The following TMEM244 variants were observed in gnomAD, a reference collection of about 807,000 sequenced individuals.
The protein encoded by TMEM244 is transmembrane protein 244, also known as putative transmembrane protein 244.
In TMEM244, 13 loss-of-function variants were observed where a neutral mutation model predicts 15.8. The ratio of observed to expected loss-of-function variants is 0.82; its 90% confidence interval spans 0.53 to 1.30. The LOEUF (loss-of-function observed/expected upper bound fraction) is 1.30, where lower values mean the gene tolerates loss of function less well. Ranked by LOEUF, TMEM244 falls within the 50% of genes most tolerant of loss-of-function variation. The pLI is 0.00. For missense variants in TMEM244, 161 were observed against 144.9 expected (o/e 1.11, Z -0.57); for synonymous variants, 45 against 48.7 (o/e 0.92, Z 0.32).
At chr6:129,841,734 A>G (rs1776493833) in intron 3 of TMEM244, among the ~76,000 whole-genome samples, 1 of 152,182 alleles carries the variant, frequency 6.6e-6, no homozygotes. Context: ...TCTGCGATGC[A>G]AAGGAAAGAT....
rs755413437 is a variant in TMEM244 at position 129,861,162 on chromosome 6, T to C, written c.27A>G (p.Pro9=). ...AGAAGTAATTTCTCTTTACCTTGCT[T>C]GGAGCAACTCTGACCTGGAGAGCCA... The part of the protein sequence containing the change: MALQVRVA[P]SKVVLQKFLL... The change falls in exon 1 of 5, where the codon CCA becomes CCG. Residue 9 remains proline, a synonymous_variant. Transcript: ENST00000368143. The C allele has an allele frequency of 1.9e-6, 3 of 1,613,784 alleles. No homozygotes were observed. The highest frequency in any genetic ancestry group is 2.5e-6 in the Non-Finnish European group (3 of 1,179,748).
intron 1 of TMEM244, among the ~76,000 whole-genome samples, chr6:129,846,225 TTTC>T (rs1434144577): frequency 6.6e-6 from 1 of 152,166 alleles, no homozygotes; most frequent in Non-Finnish European, 1.5e-5. Flanking sequence ...CCATTAAACT[TTTC>T]TTATTTCTGT....
At chr6:129,855,401 T>A (rs372801795) in intron 1 of TMEM244, among the ~76,000 whole-genome samples, 157 of 152,274 alleles carry the variant, frequency 1.0e-3, no homozygotes, top group African/African-American at 3.5e-3. Context: ...TATTTCTCAA[T>A]GACAGAAAGT....
intron 3 of TMEM244, among the ~76,000 whole-genome samples, chr6:129,842,179 A>G (rs1776500484): frequency 6.6e-6 from 1 of 152,104 alleles, no homozygotes; most frequent in Non-Finnish European, 1.5e-5. Context: ...TTCTTTATTG[A>G]CTGACCCAAA....
chr6:129,841,992 G>T (rs898564596), intron 3 of TMEM244, among the ~76,000 whole-genome samples: 1 of 152,100 alleles, frequency 6.6e-6, no homozygotes, highest in African/African-American at 2.4e-5. Flanking sequence ...GATCTAATAC[G>T]CTAAGGTTTT....
chr6:129,852,233 TA>T (rs1185481221), intron 1 of TMEM244, among the ~76,000 whole-genome samples: 1 of 152,180 alleles, frequency 6.6e-6, no homozygotes, highest in African/African-American at 2.4e-5. Flanking sequence ...TAATTTTTTT[TA>T]AAAAATAAAT....
At chr6:129,852,505 A>G (rs910594314) in intron 1 of TMEM244, among the ~76,000 whole-genome samples, 3 of 152,130 alleles carry the variant, frequency 2.0e-5, no homozygotes, top group Non-Finnish European at 4.4e-5. Flanking sequence ...GGTCAAGGAC[A>G]TAGTTTCAGG....
intron 3 of TMEM244, 118 bp from the exon 4 acceptor site, chr6:129,833,703 TA>T (rs1776362768): frequency 2.0e-6 from 2 of 1,020,530 alleles, no homozygotes; most frequent in Admixed American, 5.3e-5. Flanking sequence ...AAGAATTTTT[TA>T]AATGTTCCAT....
intron 1 of TMEM244, among the ~76,000 whole-genome samples, chr6:129,848,572 G>A (rs1776593208): frequency 6.6e-6 from 1 of 151,526 alleles, no homozygotes; most frequent in Admixed American, 6.6e-5. Context: ...ATTTTGTAGA[G>A]AAGAGTCTTC....
At chr6:129,842,805 G>A (rs1776510092) in intron 3 of TMEM244, among the ~76,000 whole-genome samples, 1 of 150,174 alleles carries the variant, frequency 6.7e-6, no homozygotes. Context: ...CTGAAGATGG[G>A]GCAAACTCAC....
chr6:129,849,911 G>T (rs1776613046), intron 1 of TMEM244, among the ~76,000 whole-genome samples: 1 of 152,086 alleles, frequency 6.6e-6, no homozygotes, highest in Non-Finnish European at 1.5e-5. Context: ...GTGTGAAGGG[G>T]GCATGAACAT....
chr6:129,847,081 G>C (rs766702208), intron 1 of TMEM244, among the ~76,000 whole-genome samples: 6 of 152,056 alleles, frequency 3.9e-5, no homozygotes, highest in Non-Finnish European at 8.8e-5. Context: ...ATTGATATCT[G>C]TAATATATAA....
At chr6:129,839,639 ATC>A (rs1776459749) in intron 3 of TMEM244, among the ~76,000 whole-genome samples, 2 of 152,092 alleles carry the variant, frequency 1.3e-5, no homozygotes, top group Admixed American at 6.6e-5. Context: ...AAGTCAAATT[ATC>A]TCTGTTTGCA....
At chr6:129,838,734 T>C (rs1776444347) in intron 3 of TMEM244, among the ~76,000 whole-genome samples, 2 of 152,088 alleles carry the variant, frequency 1.3e-5, no homozygotes, top group African/African-American at 4.8e-5. Context: ...CAATAAAAAA[T>C]GATAAGGGGG....
At chr6:129,832,969 T>C (rs1776351184) in intron 4 of TMEM244, among the ~76,000 whole-genome samples, 1 of 152,178 alleles carries the variant, frequency 6.6e-6, no homozygotes, top group South Asian at 2.1e-4. Context: ...CCTTGCCCAG[T>C]TGGTGATAAG....
At position 129,843,504 on chromosome 6, in the gene TMEM244, T is replaced by C. The variant is rs772015177; in HGVS notation, c.193+26A>G. On this transcript the variant is annotated intron_variant, in intron 3 of 4. Transcript: ENST00000368143. ...TAGTGGCATTTAGTTCACTAATTGA[T>C]AAGAATTTAAAATTAAAACAATTAC... is the stretch of plus-strand genomic sequence containing the variant. The C allele has an allele frequency of 1.0e-5, 16 of 1,543,724 alleles. No homozygotes were observed. In the East Asian group the frequency reaches 1.6e-4, roughly 15 times the overall value.
At chr6:129,854,945 C>T (rs900103769) in intron 1 of TMEM244, among the ~76,000 whole-genome samples, 1 of 152,188 alleles carries the variant, frequency 6.6e-6, no homozygotes, top group Non-Finnish European at 1.5e-5. Flanking sequence ...TGCTCACATA[C>T]ATGGCCTTTA....
intron 1 of TMEM244, among the ~76,000 whole-genome samples, chr6:129,847,938 C>G (rs1239078457): frequency 2.0e-5 from 3 of 152,026 alleles, no homozygotes; most frequent in Admixed American, 6.5e-5. Context: ...CCAAGCCCAG[C>G]TAATTTTGTA....
At chr6:129,843,303 A>G (rs1337539758) in intron 3 of TMEM244, among the ~76,000 whole-genome samples, 1 of 152,170 alleles carries the variant, frequency 6.6e-6, no homozygotes, top group South Asian at 2.1e-4. Context: ...AAATTTATAT[A>G]GGAATTCTCA....
Sources: gnomAD v4.1 joint callset for allele counts (sites outside exome capture counted in the v4.1 genomes callset) on GRCh38, gnomAD v4.1.1 for gene constraint, MANE v1.5 for transcripts, NCBI Gene and HGNC (gene_info 2026-07-23, HGNC 2026-07-21) for gene names.